Variants in CNBD1 observed in about 807,000 individuals in gnomAD.
CNBD1 encodes cyclic nucleotide binding domain containing 1.
CNBD1 carries 71 observed loss-of-function variants against 54.4 expected under a neutral mutation model. The observed-to-expected ratio is 1.30, with a 90% CI of 1.08 to 1.59. CNBD1 has a LOEUF of 1.59. CNBD1 is among the 40% of genes most tolerant of loss of function. The pLI is 0.00. For missense variants in CNBD1, 659 were observed against 518.0 expected (o/e 1.27, Z -2.64); for synonymous variants, 182 against 170.7 (o/e 1.07, Z -0.51).
intron 2 of CNBD1, among the ~76,000 whole-genome samples, chr8:86,899,588 A>T (rs986647163): frequency 1.3e-5 from 2 of 152,100 alleles, no homozygotes; most frequent in Non-Finnish European, 2.9e-5. Flanking sequence ...CTTTATTTTC[A>T]TAAAGATTTT....
intron 4 of CNBD1, among the ~76,000 whole-genome samples, chr8:86,960,344 C>T (rs1204921519): frequency 2.0e-5 from 3 of 152,204 alleles, no homozygotes; most frequent in African/African-American, 4.8e-5. Flanking sequence ...ATATCCCGCT[C>T]CTGGCTCAGA....
Position 87,408,925 on chromosome 8 carries a change from C to G in CNBD1, c.214-19621C>G, listed in dbSNP as rs553411743. ...TTGACTCCCTCACCAGTTTGTCATT[C>G]CCCCATCTCTCTCTCTCTCCTCAGA... On this transcript the variant is annotated intron_variant, in intron 2 of 7. Coordinates refer to the CNBD1 transcript ENST00000521593. Among the ~76,000 whole-genome samples the G allele has an allele frequency of 3.3e-5, 5 of 152,168 alleles. No homozygotes were observed. The South Asian group carries it at 1.0e-3, about 32-fold the overall frequency.
At chr8:87,048,629 T>G (rs1049640302) in intron 4 of CNBD1, among the ~76,000 whole-genome samples, 6 of 152,248 alleles carry the variant, frequency 3.9e-5, no homozygotes, top group African/African-American at 1.4e-4. Flanking sequence ...TCTCATTAAT[T>G]AGTACTCTTA....
intron 10 of CNBD1, among the ~76,000 whole-genome samples, chr8:87,361,459 A>T (rs1406707546): frequency 6.6e-6 from 1 of 151,824 alleles, no homozygotes; most frequent in Non-Finnish European, 1.5e-5. Flanking sequence ...CTATGTGAAG[A>T]TGATATAGCT....
chr8:87,423,857 G>C lies in CNBD1; in HGVS notation c.214-4689G>C, dbSNP rs575674655. On this transcript the variant is annotated intron_variant, in intron 2 of 7. Coordinates refer to the CNBD1 transcript ENST00000521593. Reference sequence around the variant, plus strand: ...AATAATTTCAGAAGGAATGGTACCAGTTCCTCCTTGTACCTCTGGTAGAAT... The same window carrying C: ...AATAATTTCAGAAGGAATGGTACCACTTCCTCCTTGTACCTCTGGTAGAAT... Among the ~76,000 whole-genome samples, 483 of 152,324 alleles carry C rather than the reference G, an allele frequency of 3.2e-3. 2 individuals carry two copies. The highest frequency in any genetic ancestry group is 0.011 in the African/African-American group (451 of 41,564).
At chr8:87,261,072 G>T (rs536119587) in intron 6 of CNBD1, among the ~76,000 whole-genome samples, 1 of 152,162 alleles carries the variant, frequency 6.6e-6, no homozygotes, top group Admixed American at 6.6e-5. Context: ...GTCCCTTTCT[G>T]ACCCAGTCAG....
At chr8:87,379,493 C>T (rs181287359) in intron 10 of CNBD1, among the ~76,000 whole-genome samples, 2,687 of 151,446 alleles carry the variant, frequency 0.018, 87 homozygotes, top group African/African-American at 0.059. Flanking sequence ...AAAGCTCTCC[C>T]CAGCAAATGT....
At chr8:87,248,545 C>T (rs955839443) in intron 6 of CNBD1, among the ~76,000 whole-genome samples, 16 of 152,126 alleles carry the variant, frequency 1.1e-4, no homozygotes, top group Non-Finnish European at 2.1e-4. Context: ...TAATACAGGG[C>T]GCTTGATCGC....
At chr8:87,304,720 T>C (rs1182664262) in intron 8 of CNBD1, among the ~76,000 whole-genome samples, 1 of 152,100 alleles carries the variant, frequency 6.6e-6, no homozygotes, top group African/African-American at 2.4e-5. Flanking sequence ...ATTACTTTAT[T>C]ATTAAAACTC....
At chr8:87,336,593 C>A (rs370166228) in intron 8 of CNBD1, among the ~76,000 whole-genome samples, 1 of 152,106 alleles carries the variant, frequency 6.6e-6, no homozygotes, top group Admixed American at 6.5e-5. Flanking sequence ...TTAGCAGCTC[C>A]TCTAACATTT....
intron 1 of CNBD1, among the ~76,000 whole-genome samples, chr8:86,886,439 T>G (rs1808681676): frequency 6.6e-6 from 1 of 152,176 alleles, no homozygotes; most frequent in African/African-American, 2.4e-5. Flanking sequence ...ATGATATGAT[T>G]TATATGATAT....
intron 3 of CNBD1, among the ~76,000 whole-genome samples, chr8:86,925,482 A>AGAGTGTGTGTGT (rs1224095733): frequency 6.4e-5 from 9 of 141,730 alleles, no homozygotes; most frequent in African/African-American, 2.4e-4. Flanking sequence ...CTTACCAAAA[A>AGAGTGTGTGTGT]GTGTGTGTGT....
intron 4 of CNBD1, among the ~76,000 whole-genome samples, chr8:87,196,176 C>T (rs1030882740): frequency 1.1e-4 from 17 of 151,948 alleles, no homozygotes; most frequent in African/African-American, 4.1e-4. Context: ...GAGCCTAAGC[C>T]CTTAAGAAAG....
chr8:87,051,294 C>G (rs1019358893), intron 4 of CNBD1, among the ~76,000 whole-genome samples: 1 of 152,136 alleles, frequency 6.6e-6, no homozygotes, highest in Non-Finnish European at 1.5e-5. Flanking sequence ...AGAAGGAAGT[C>G]TACTTTCTTG....
intron 4 of CNBD1, among the ~76,000 whole-genome samples, chr8:86,956,012 G>A (rs1190137276): frequency 1.3e-5 from 2 of 152,074 alleles, no homozygotes; most frequent in Non-Finnish European, 2.9e-5. Flanking sequence ...TTTGTATAAG[G>A]TGTAAGGAAG....
chr8:86,944,128 A>G (rs2130434229), intron 4 of CNBD1, among the ~76,000 whole-genome samples: 1 of 152,354 alleles, frequency 6.6e-6, no homozygotes, highest in East Asian at 1.9e-4. Flanking sequence ...TTCAAAAGAG[A>G]AAATATTTCA....
intron 4 of CNBD1, among the ~76,000 whole-genome samples, chr8:87,027,208 G>A (rs1003013408): frequency 6.6e-6 from 1 of 151,954 alleles, no homozygotes; most frequent in Non-Finnish European, 1.5e-5. Flanking sequence ...AATAGGTAAT[G>A]CAATGAAGAC....
chr8:87,273,453 C>T (rs1374913635), intron 6 of CNBD1, among the ~76,000 whole-genome samples: 1 of 151,948 alleles, frequency 6.6e-6, no homozygotes, highest in Non-Finnish European at 1.5e-5. Flanking sequence ...TTTTGTTTCT[C>T]TGAAACAAAT....
At chr8:87,335,605 C>T (rs1185308378) in intron 8 of CNBD1, among the ~76,000 whole-genome samples, 16 of 152,056 alleles carry the variant, frequency 1.1e-4, no homozygotes, top group Non-Finnish European at 2.1e-4. Flanking sequence ...TGTCTTTGCA[C>T]GTAAGAGGGG....
Sources: allele counts gnomAD v4.1 joint callset (sites outside exome capture counted in the v4.1 genomes callset), GRCh38; gene constraint gnomAD v4.1.1; transcripts MANE v1.5; gene names NCBI Gene and HGNC (gene_info 2026-07-23, HGNC 2026-07-21).